SLC2A3: variants seen among roughly 807,000 people sequenced by gnomAD.
SLC2A3 encodes solute carrier family 2, facilitated glucose transporter member 3.
Under a neutral mutation model 46.4 loss-of-function variants are expected in SLC2A3, and 21 were observed. That is an observed-to-expected ratio of 0.45 (90% confidence interval 0.32 to 0.65). SLC2A3 has a LOEUF of 0.65. Ranked by LOEUF, SLC2A3 falls within the 30% of genes least tolerant of loss-of-function variation. The pLI is 0.04. For missense variants in SLC2A3, 499 were observed against 623.3 expected (o/e 0.80, Z 2.12); for synonymous variants, 213 against 239.4 (o/e 0.89, Z 1.02).
chr12:7,920,145 T>C lies in SLC2A3; in HGVS notation c.*1268A>G, dbSNP rs1027790653. On this transcript the variant is annotated 3_prime_UTR_variant, in exon 10 of 10. Coordinates refer to ENST00000075120, the MANE Select transcript of SLC2A3 (RefSeq NM_006931.3). ...TCAGAAAAAAATCCTCTCCCAGAGCTGAGGTTACAAATTCCAAGTTTGCTA... is the reference window on the plus strand; with the variant it reads ...TCAGAAAAAAATCCTCTCCCAGAGCCGAGGTTACAAATTCCAAGTTTGCTA... 1.3e-5 allele frequency: 2 copies of C among 152,586 alleles called. No homozygotes were observed. Among genetic ancestry groups the C allele is most frequent in the Admixed American group, 6.5e-5 (1 of 15,282 alleles). 9.5% of individuals were successfully genotyped at this position (152,586 alleles called of 1,614,324 possible).
In SLC2A3 at chr12:7,930,134, C is replaced by A. The variant is rs942365315; in HGVS notation, c.674-263G>T. ...CCAAGTAGCTGGGATTACAGGCATGCGCCCCCATGCCCGGCTAATTTTGTA... is the reference window on the plus strand; with the variant it reads ...CCAAGTAGCTGGGATTACAGGCATGAGCCCCCATGCCCGGCTAATTTTGTA... On this transcript the variant is annotated intron_variant, in intron 5 of 9. Coordinates refer to ENST00000075120, the MANE Select transcript of SLC2A3 (RefSeq NM_006931.3). 4 of 639,010 alleles carry A rather than the reference C, an allele frequency of 6.3e-6. No individual in the cohort carries two copies. The Admixed American group carries it at 1.3e-4, about 21-fold the overall frequency. The allele number at this position is 639,010 out of a possible 1,614,324, so 39.6% of individuals were successfully genotyped here.
At chr12:7,931,546 C>G (rs1946156285) in intron 3 of SLC2A3, 61 bp from the exon 4 acceptor site, 5 of 1,603,724 alleles carry the variant, frequency 3.1e-6, no homozygotes, top group East Asian at 2.2e-5. Context: ...AACTTCTCCT[C>G]TGTCCTCATT....
chr12:7,934,059 G>T (rs1228426693), intron 1 of SLC2A3, among the ~76,000 whole-genome samples, 157 bp from the exon 2 acceptor site: 3 of 152,076 alleles, frequency 2.0e-5, no homozygotes, highest in East Asian at 3.8e-4. Flanking sequence ...GAAGACAAAG[G>T]AATAGATTAT....
chr12:7,935,936 A>G (rs1946208579), intron 1 of SLC2A3, 84 bp downstream of exon 1: 5 of 1,165,204 alleles, frequency 4.3e-6, no homozygotes, highest in Non-Finnish European at 6.5e-6. Flanking sequence ...AGGAGAAAAT[A>G]GAACAAGGAG....
chr12:7,929,453 C>CTTT, intron 6 of SLC2A3: 1 of 492,816 alleles, frequency 2.0e-6, no homozygotes. Context: ...CTTCCAGGGT[C>CTTT]TTTTTTTTTT....
chr12:7,927,087 T>G (rs909418298), intron 6 of SLC2A3, among the ~76,000 whole-genome samples: 5 of 152,148 alleles, frequency 3.3e-5, no homozygotes, highest in Non-Finnish European at 7.3e-5. Flanking sequence ...ACATTGGGAT[T>G]TACCTTCTCA....
chr12:7,923,247 C>A lies in SLC2A3; in HGVS notation c.1069-223G>T. 6 of 482,806 alleles carry A rather than the reference C, an allele frequency of 1.2e-5. No individual in the cohort carries two copies. The South Asian group carries it at 1.6e-4, about 13-fold the overall frequency. The allele number at this position is 482,806 out of a possible 1,614,324, so 29.9% of individuals were successfully genotyped here. On this transcript the variant is annotated intron_variant, in intron 8 of 9. Coordinates refer to ENST00000075120, the MANE Select transcript of SLC2A3 (RefSeq NM_006931.3). ...GCAGTGGCACTACAATAGCTCACTG[C>A]ATCATCGATCTCCTGGGCATAAGCA...
intron 6 of SLC2A3, among the ~76,000 whole-genome samples, chr12:7,926,663 G>C (rs750563148): frequency 6.6e-6 from 1 of 152,130 alleles, no homozygotes; most frequent in East Asian, 1.9e-4. Context: ...ATCAGGCCCA[G>C]CTAAATGCTT....
Position 7,921,524 on chromosome 12 carries a change from A to G in SLC2A3, c.1380T>C (p.Asp460=), listed in dbSNP as rs1286240479. ...CCTGCCCTTCAAAGGCCCGTGTGAT[A>G]TCCTCAAAAGTCCTGCCACGGGTCT... ...VPETRGRTFE[D]ITRAFEGQAH... is the part of the protein sequence containing the mutation. Residue 460 remains aspartate (D), a synonymous_variant, in exon 10 of 10, where the codon GAT becomes GAC. Coordinates refer to ENST00000075120, the MANE Select transcript of SLC2A3 (RefSeq NM_006931.3). 2 of 1,613,932 alleles carry G rather than the reference A, an allele frequency of 1.2e-6. No individual in the cohort carries two copies. The highest frequency in any genetic ancestry group is 1.7e-6 in the Non-Finnish European group (2 of 1,179,856).
rs1451506279 is a variant in SLC2A3 at position 7,933,278 on chromosome 12, C to T, written c.109-131G>A. The T allele has an allele frequency of 1.5e-5, 15 of 1,016,636 alleles. 1 individual carries two copies. Among genetic ancestry groups the T allele is most frequent in the Non-Finnish European group, 1.9e-5 (13 of 701,900 alleles). 63.0% of individuals were successfully genotyped at this position (1,016,636 alleles called of 1,614,324 possible). A position where few individuals can be genotyped will look rare whatever the true frequency, so the allele number is the denominator to read the frequency against. The stretch of plus-strand genomic sequence containing the variant: ...AGACAGGAATGGAAGGGGCAGATAA[C>T]GTATTGGAATTTATGTTAACTCTCG... On this transcript the variant is annotated intron_variant, in intron 2 of 9. Coordinates refer to ENST00000075120, the MANE Select transcript of SLC2A3 (RefSeq NM_006931.3).
chr12:7,933,511 C>G (rs79854662), intron 2 of SLC2A3: 2 of 462,534 alleles, frequency 4.3e-6, no homozygotes, highest in East Asian at 3.8e-5. Context: ...CTTTGTGCTT[C>G]GATTAGATGA....
At chr12:7,922,678 A>G in intron 9 of SLC2A3, 143 bp downstream of exon 9, 1 of 1,190,054 alleles carries the variant, frequency 8.4e-7, no homozygotes, top group Non-Finnish European at 1.2e-6. Context: ...TCCTGACCTC[A>G]GGTGATCCAC....
chr12:7,933,330 A>C, intron 2 of SLC2A3, 183 bp from the exon 3 acceptor site: 1 of 785,818 alleles, frequency 1.3e-6, no homozygotes. Flanking sequence ...ATTTGTCCTG[A>C]AAATCCCAGT....
chr12:7,933,221 C>A (rs769823762), intron 2 of SLC2A3, 74 bp from the exon 3 acceptor site: 2 of 1,485,404 alleles, frequency 1.3e-6, no homozygotes, highest in South Asian at 2.4e-5. Context: ...CATTAGGGAT[C>A]ATTTCCTTCC....
intron 7 of SLC2A3, chr12:7,925,612 C>T (rs1462647596): frequency 2.8e-6 from 1 of 359,820 alleles, no homozygotes; most frequent in South Asian, 5.6e-5. Context: ...TCCTCCAATT[C>T]CAAGTTCAAA....
At chr12:7,933,241 A>C in intron 2 of SLC2A3, 94 bp from the exon 3 acceptor site, 1 of 1,358,544 alleles carries the variant, frequency 7.4e-7, no homozygotes, top group Non-Finnish European at 1.0e-6. Flanking sequence ...CTAGAGAATC[A>C]AGGGAATAAA....
At chr12:7,928,290 C>T (rs781560764) in intron 6 of SLC2A3, among the ~76,000 whole-genome samples, 7 of 151,734 alleles carry the variant, frequency 4.6e-5, no homozygotes, top group Non-Finnish European at 7.4e-5. Context: ...CCCAGCTACT[C>T]GGGAGGCTGA....
intron 6 of SLC2A3, among the ~76,000 whole-genome samples, chr12:7,929,289 C>T (rs1233545440): frequency 1.3e-5 from 2 of 152,014 alleles, no homozygotes; most frequent in Non-Finnish European, 2.9e-5. Context: ...CTGATATTTG[C>T]ATGGAATACA....
intron 3 of SLC2A3, chr12:7,932,709 T>C: frequency 2.8e-6 from 1 of 351,716 alleles, no homozygotes; most frequent in East Asian, 4.5e-5. Context: ...AACCCCATAG[T>C]TGAGTTTACT....
Sources: gnomAD v4.1 joint callset for allele counts (sites outside exome capture counted in the v4.1 genomes callset) on GRCh38, gnomAD v4.1.1 for gene constraint, MANE v1.5 for transcripts, NCBI Gene and HGNC (gene_info 2026-07-23, HGNC 2026-07-21) for gene names.